The following DNAAF9 variants were observed in gnomAD, a reference collection of about 807,000 sequenced individuals.
DNAAF9 encodes dynein axonemal assembly factor 9.
A neutral mutation model predicts 167.0 loss-of-function variants in DNAAF9; 90 were observed. The observed-to-expected ratio is 0.54, with a 90% CI of 0.45 to 0.64. The LOEUF is 0.64. Among genes scored for constraint, DNAAF9 ranks in the 30% least tolerant of loss-of-function variants. DNAAF9 has a pLI of 0.00. For synonymous variants in DNAAF9, 491 were observed against 508.8 expected, an observed-to-expected ratio of 0.96 and a Z score of 0.47; for missense variants, 1,315 against 1,442.2, an observed-to-expected ratio of 0.91 and a Z score of 1.43.
intron 25 of DNAAF9, among the ~76,000 whole-genome samples, chr20:3,292,626 C>A (rs1385810809): frequency 1.3e-5 from 2 of 151,874 alleles, no homozygotes; most frequent in East Asian, 3.9e-4. Context: ...ATTAGCTGGG[C>A]TTGGTGGCAC....
intron 30 of DNAAF9, among the ~76,000 whole-genome samples, chr20:3,268,623 A>G (rs1051378289): frequency 6.6e-6 from 1 of 151,764 alleles, no homozygotes; most frequent in Non-Finnish European, 1.5e-5. Context: ...CACTGCACCC[A>G]GCCTAGATTC....
chr20:3,266,306 T>C (rs779682189), intron 30 of DNAAF9, among the ~76,000 whole-genome samples: 9 of 152,162 alleles, frequency 5.9e-5, no homozygotes, highest in Non-Finnish European at 8.8e-5. Flanking sequence ...TCCCTCTTTG[T>C]AAGGAGTCAG....
At chr20:3,288,781 C>T (rs951599349) in intron 26 of DNAAF9, among the ~76,000 whole-genome samples, 2 of 152,158 alleles carry the variant, frequency 1.3e-5, no homozygotes, top group Non-Finnish European at 2.9e-5. Context: ...GAATGATTTT[C>T]CTGATTTCAC....
intron 33 of DNAAF9, 133 bp from the exon 34 acceptor site, chr20:3,256,344 G>T: frequency 1.4e-6 from 1 of 690,054 alleles, no homozygotes; most frequent in Non-Finnish European, 2.5e-6. Context: ...GTGACTGGTG[G>T]CAGCTTAGAA....
At chr20:3,301,183 T>C (rs1362970533) in intron 21 of DNAAF9, among the ~76,000 whole-genome samples, 2 of 150,188 alleles carry the variant, frequency 1.3e-5, no homozygotes, top group Non-Finnish European at 3.0e-5. Flanking sequence ...CTTGGCTTTT[T>C]TTTTTTTTTT....
At chr20:3,326,352 A>G (rs2123062803) in intron 12 of DNAAF9, 68 bp from the exon 13 acceptor site, 1 of 1,026,322 alleles carries the variant, frequency 9.7e-7, no homozygotes, top group South Asian at 1.4e-5. Flanking sequence ...ATGCATGCAC[A>G]TAAATGACAG....
At position 3,299,972 on chromosome 20, in the gene DNAAF9, G is replaced by A. The variant is rs923866531; in HGVS notation, c.1783-1797C>T. 2.6e-4 allele frequency among the ~76,000 whole-genome samples: 39 copies of A among 151,942 alleles called. 1 individual carries two copies. Among genetic ancestry groups the A allele is most frequent in the African/African-American group, 9.2e-4 (38 of 41,356 alleles). On this transcript the variant is annotated intron_variant, in intron 21 of 36. Transcript: ENST00000252032. ...GGCTGGAATGCAGTAGCACAATCTC[G>A]GCTCACTGCAACCTCTGCCTCCCAG...
At chr20:3,296,297 C>T (rs1357134749) in intron 23 of DNAAF9, 15 of 380,164 alleles carry the variant, frequency 3.9e-5, no homozygotes, top group East Asian at 6.7e-5. Context: ...ACGGGCCCGG[C>T]GCCCAACACC....
In DNAAF9 at chr20:3,351,608, AACACACACATGCAT is replaced by A. The variant is rs1189105749; in HGVS notation, c.691-2999_691-2986del. Among the ~76,000 whole-genome samples, 6 of 152,270 alleles carry A rather than the reference AACACACACATGCAT, an allele frequency of 3.9e-5. No homozygotes were observed. The East Asian group carries it at 1.2e-3, about 29-fold the overall frequency. ...AACCTACAGATTAAAAGAAACCGAA[AACACACACATGCAT>A]ACAGGGCAGGCAAACAAAACTAACC... is the stretch of plus-strand genomic sequence containing the variant. On this transcript the variant is annotated intron_variant, in intron 7 of 36. Coordinates refer to ENST00000252032, the MANE Select transcript of DNAAF9 (RefSeq NM_001009984.3).
chr20:3,318,421 G>A (rs1287358918), intron 16 of DNAAF9, 21 bp from the exon 17 acceptor site: 2 of 1,209,302 alleles, frequency 1.7e-6, no homozygotes, highest in South Asian at 2.4e-5. Context: ...TGAGAAACCA[G>A]TTAGATCAGT....
chr20:3,321,360 C>A (rs1209957684), intron 16 of DNAAF9, among the ~76,000 whole-genome samples: 1 of 152,114 alleles, frequency 6.6e-6, no homozygotes, highest in Middle Eastern at 3.2e-3. Flanking sequence ...AGGCTACAAA[C>A]CCGTACAGCA....
At chr20:3,362,099 A>G in intron 6 of DNAAF9, 2 of 1,390,174 alleles carry the variant, frequency 1.4e-6, no homozygotes, top group Non-Finnish European at 2.0e-6. Context: ...GGTGCTTCTG[A>G]GTATTTAGGT....
chr20:3,345,200 T>G (rs1331155804), intron 8 of DNAAF9, among the ~76,000 whole-genome samples: 1 of 152,158 alleles, frequency 6.6e-6, no homozygotes, highest in South Asian at 2.1e-4. Flanking sequence ...GCGTTTTTAG[T>G]AGAGACAGGG....
At position 3,359,872 on chromosome 20, in the gene DNAAF9, T is replaced by C. The variant is rs573161018; in HGVS notation, c.613-279A>G. ...TGCACATACAGACTTGTGTATATTG[T>C]ATATTTTTTGCCTTTGTTTTAAATA... On this transcript the variant is annotated intron_variant, in intron 6 of 36. Coordinates refer to ENST00000252032, the MANE Select transcript of DNAAF9 (RefSeq NM_001009984.3). 4.6e-5 allele frequency among the ~76,000 whole-genome samples: 7 copies of C among 152,356 alleles called. No homozygotes were observed. The East Asian group carries it at 5.8e-4, about 13-fold the overall frequency.
At chr20:3,343,139 T>C (rs1474137424) in intron 9 of DNAAF9, among the ~76,000 whole-genome samples, 10 of 152,178 alleles carry the variant, frequency 6.6e-5, no homozygotes, top group African/African-American at 2.4e-4. Flanking sequence ...AATTCCTTTC[T>C]TTAGATTTTA....
intron 7 of DNAAF9, among the ~76,000 whole-genome samples, chr20:3,352,600 G>C (rs1220541076): frequency 6.6e-6 from 1 of 152,066 alleles, no homozygotes; most frequent in Non-Finnish European, 1.5e-5. Context: ...GTGTGACCCT[G>C]GGCAAGCAAC....
At chr20:3,330,574 AG>A (rs2069807525) in intron 12 of DNAAF9, 71 bp downstream of exon 12, 1 of 893,096 alleles carries the variant, frequency 1.1e-6, no homozygotes, top group Non-Finnish European at 1.9e-6. Context: ...TGATCTCAAA[AG>A]GAAGTACACA....
intron 29 of DNAAF9, 68 bp downstream of exon 29, chr20:3,278,844 A>G: frequency 8.5e-7 from 1 of 1,180,640 alleles, no homozygotes; most frequent in South Asian, 1.2e-5. Flanking sequence ...GAGCACGAAG[A>G]AAAGTCTATT....
rs181896700 is a variant in DNAAF9 at position 3,362,465 on chromosome 20, G to A, written c.613-2872C>T. 2.1e-5 allele frequency: 8 copies of A among 383,972 alleles called. No individual in the cohort carries two copies. In the East Asian group the frequency reaches 2.7e-4, roughly 13 times the overall value. 23.8% of individuals were successfully genotyped at this position (383,972 alleles called of 1,614,324 possible). A position where few individuals can be genotyped will look rare whatever the true frequency, so the allele number is the denominator to read the frequency against. ...ATTATTATTCTTAGAAGTACTAACA[G>A]CTTCATTTTTTTCACCTGTATAATT... On this transcript the variant is annotated intron_variant, in intron 6 of 36. Transcript: ENST00000252032.
Sources: gnomAD v4.1 joint callset for allele counts (sites outside exome capture counted in the v4.1 genomes callset) on GRCh38, gnomAD v4.1.1 for gene constraint, MANE v1.5 for transcripts, NCBI Gene and HGNC (gene_info 2026-07-23, HGNC 2026-07-21) for gene names.